The following UNC5C variants were observed in gnomAD, a reference collection of about 807,000 sequenced individuals.
UNC5C encodes unc-5 netrin receptor C.
Under a neutral mutation model 99.8 loss-of-function variants are expected in UNC5C, and 47 were observed. The ratio of observed to expected loss-of-function variants is 0.47; its 90% CI spans 0.37 to 0.60. The LOEUF (loss-of-function observed/expected upper bound fraction) is 0.60, where lower values mean the gene tolerates loss of function less well. Ranked by LOEUF, UNC5C falls within the 20% of genes least tolerant of loss-of-function variation. UNC5C has a pLI of 0.00. For missense variants in UNC5C, 1,062 were observed against 1,165.9 expected (o/e 0.91, Z 1.30); for synonymous variants, 487 against 452.2 (o/e 1.08, Z -0.98).
In UNC5C at chr4:95,380,069, A is replaced by G. The variant is rs138138996; in HGVS notation, c.125-44438T>C. Among the ~76,000 whole-genome samples, 636 of 151,970 alleles carry G rather than the reference A, an allele frequency of 4.2e-3. 6 individuals carry two copies. Among genetic ancestry groups the G allele is most frequent in the African/African-American group, 0.015 (607 of 41,460 alleles). On this transcript the variant is annotated intron_variant, in intron 1 of 15. Transcript: ENST00000453304. ...CTTCTTTAAGGTTTCCACTTCCAAA[A>G]TTCTCTTTGGTCCCTACTTTATTTT...
chr4:95,329,208 G>A (rs1048666963), intron 2 of UNC5C, among the ~76,000 whole-genome samples: 3 of 152,160 alleles, frequency 2.0e-5, no homozygotes, highest in Admixed American at 6.5e-5. Context: ...AGGATCACTT[G>A]AGCCCAGGAG....
chr4:95,347,511 T>C (rs1278316797), intron 1 of UNC5C, among the ~76,000 whole-genome samples: 1 of 152,092 alleles, frequency 6.6e-6, no homozygotes, highest in South Asian at 2.1e-4. Context: ...CAAATTATAC[T>C]ATAGAGCTAT....
chr4:95,440,821 T>G (rs1265539054), intron 1 of UNC5C, among the ~76,000 whole-genome samples: 1 of 152,230 alleles, frequency 6.6e-6, no homozygotes, highest in African/African-American at 2.4e-5. Context: ...TAACATGCTT[T>G]TCTTTAATAA....
intron 4 of UNC5C, among the ~76,000 whole-genome samples, chr4:95,275,373 T>G (rs1740823304): frequency 6.6e-6 from 1 of 152,202 alleles, no homozygotes; most frequent in African/African-American, 2.4e-5. Context: ...GTTTCTTGAG[T>G]GCTTTTGACA....
At chr4:95,295,337 C>G (rs956623995) in intron 3 of UNC5C, among the ~76,000 whole-genome samples, 1 of 152,256 alleles carries the variant, frequency 6.6e-6, no homozygotes, top group Non-Finnish European at 1.5e-5. Flanking sequence ...CTACCAGACC[C>G]GCCTAGGAAA....
rs1741773533 is a variant in UNC5C, at chr4:95,299,029, AGTT to A, written c.490+2574_490+2576del. ...GTTGGATATGTAAACCACAAAATGT[AGTT>A]GTTATTGGCTGAACTACATCCCATT... On this transcript the variant is annotated intron_variant, in intron 3 of 15. Transcript: ENST00000453304. Among the ~76,000 whole-genome samples, 9 of 152,210 alleles carry A rather than the reference AGTT, an allele frequency of 5.9e-5. No individual in the cohort carries two copies. The South Asian group carries it at 1.9e-3, about 31-fold the overall frequency.
At chr4:95,470,524 C>T (rs1420288763) in intron 1 of UNC5C, among the ~76,000 whole-genome samples, 1 of 151,972 alleles carries the variant, frequency 6.6e-6, no homozygotes, top group Non-Finnish European at 1.5e-5. Context: ...GGCAGCCCAC[C>T]TTGAGTAGCT....
intron 1 of UNC5C, among the ~76,000 whole-genome samples, chr4:95,411,467 T>C (rs1745991803): frequency 6.6e-6 from 1 of 152,228 alleles, no homozygotes; most frequent in Non-Finnish European, 1.5e-5. Flanking sequence ...TGTTACTTTT[T>C]TGGTTTCTTT....
intron 1 of UNC5C, among the ~76,000 whole-genome samples, chr4:95,460,650 G>A (rs575613248): frequency 7.2e-4 from 110 of 152,310 alleles, no homozygotes; most frequent in African/African-American, 2.6e-3. Flanking sequence ...TAGCCATGTG[G>A]AACTGTAAGT....
intron 13 of UNC5C, among the ~76,000 whole-genome samples, chr4:95,184,306 T>TTCA (rs1325612927): frequency 1.2e-4 from 19 of 152,214 alleles, no homozygotes; most frequent in Admixed American, 5.2e-4. Flanking sequence ...TTCCAGTATG[T>TTCA]TCATTGGCTT....
chr4:95,272,738 A>G lies in UNC5C; in HGVS notation c.594+5521T>C, dbSNP rs554936593. Among the ~76,000 whole-genome samples the G allele has an allele frequency of 2.0e-5, 3 of 152,322 alleles. No individual in the cohort carries two copies. The South Asian group carries it at 6.2e-4, about 32-fold the overall frequency. ...TGTAGCTACACACGTGGTAGCAGAA[A>G]ATTCCAATGGGTAATTACTGGGCAC... On this transcript the variant is annotated intron_variant, in intron 4 of 15. Transcript: ENST00000453304.
At chr4:95,176,987 G>A (rs1442501786) in intron 14 of UNC5C, among the ~76,000 whole-genome samples, 1 of 152,144 alleles carries the variant, frequency 6.6e-6, no homozygotes. Flanking sequence ...AGTACTTGGG[G>A]GGGAGTGACC....
chr4:95,302,224 C>A (rs1224932243), intron 2 of UNC5C, among the ~76,000 whole-genome samples: 1 of 152,142 alleles, frequency 6.6e-6, no homozygotes. Context: ...AATGGCACAT[C>A]GTTTTTCTTG....
At chr4:95,238,189 TC>T (rs1739195388) in intron 7 of UNC5C, among the ~76,000 whole-genome samples, 1 of 152,206 alleles carries the variant, frequency 6.6e-6, no homozygotes, top group South Asian at 2.1e-4. Context: ...ATTTTGGATT[TC>T]CTTTTACAGG....
rs150580734 is a variant in UNC5C, at chr4:95,455,880, C to A, written c.124+92854G>T. ...CCATAGGAGTATTCCACTCAGGTAA[C>A]AAGTATGTTTTTCATTTTAAATTGC... On this transcript the variant is annotated intron_variant, in intron 1 of 15. Coordinates refer to ENST00000453304, the MANE Select transcript of UNC5C (RefSeq NM_003728.4). Among the ~76,000 whole-genome samples, 295 of 152,118 alleles carry A rather than the reference C, an allele frequency of 1.9e-3. 1 individual carries two copies. Among genetic ancestry groups the A allele is most frequent in the African/African-American group, 6.4e-3 (265 of 41,506 alleles).
chr4:95,518,606 A>G lies in UNC5C; in HGVS notation c.124+30128T>C, dbSNP rs530323912. 5.9e-5 allele frequency among the ~76,000 whole-genome samples: 9 copies of G among 152,330 alleles called. No individual in the cohort carries two copies. In the South Asian group the frequency reaches 1.9e-3, roughly 32 times the overall value. On this transcript the variant is annotated intron_variant, in intron 1 of 15. Coordinates refer to ENST00000453304, the MANE Select transcript of UNC5C (RefSeq NM_003728.4). ...CAGTAGTTCACCTTGGAAGAGACTT[A>G]TACATAATTTTCAATATGCAGAATA...
chr4:95,398,043 G>GTTTTTTTTTTTTT (rs1745570466), intron 1 of UNC5C, among the ~76,000 whole-genome samples: 3 of 76,946 alleles, frequency 3.9e-5, no homozygotes, highest in African/African-American at 1.9e-4. Context: ...GCCAAATGTA[G>GTTTTTTTTTTTTT]CTTTTTTTTT....
At chr4:95,394,323 T>TG (rs1745447505) in intron 1 of UNC5C, among the ~76,000 whole-genome samples, 1 of 151,418 alleles carries the variant, frequency 6.6e-6, no homozygotes, top group Admixed American at 6.6e-5. Context: ...ATCTCACGAA[T>TG]GGGGGGTGCT....
chr4:95,399,871 TG>T (rs1745637023), intron 1 of UNC5C, among the ~76,000 whole-genome samples: 1 of 152,176 alleles, frequency 6.6e-6, no homozygotes, highest in African/African-American at 2.4e-5. Context: ...GTAGGATTTT[TG>T]TTTGTTTGTC....
Sources: gnomAD v4.1 joint callset for allele counts (sites outside exome capture counted in the v4.1 genomes callset) on GRCh38, gnomAD v4.1.1 for gene constraint, MANE v1.5 for transcripts, NCBI Gene and HGNC (gene_info 2026-07-23, HGNC 2026-07-21) for gene names.